KCNMA1: variants seen among roughly 807,000 people sequenced by gnomAD.
KCNMA1 encodes the protein potassium calcium-activated channel subfamily M alpha 1, also known as Calcium-activated potassium channel subunit alpha-1.
Under a neutral mutation model 140.0 loss-of-function variants are expected in KCNMA1, and 29 were observed. That is an observed-to-expected ratio of 0.21 (90% confidence interval 0.15 to 0.28). KCNMA1 has a LOEUF of 0.28. Ranked by LOEUF, KCNMA1 falls within the 10% of genes least tolerant of loss-of-function variation. The probability of loss-of-function intolerance (pLI) is 1.00; values close to 1 mark genes in which losing one functional copy is unlikely to be tolerated. For missense variants in KCNMA1, 880 were observed against 1,602.2 expected (o/e 0.55, Z 7.70); for synonymous variants, 612 against 611.9 (o/e 1.00, Z 0.00).
intron 2 of KCNMA1, among the ~76,000 whole-genome samples, chr10:77,312,599 T>C (rs629966): frequency 0.84 from 127,148 of 152,184 alleles, 53,296 homozygotes; most frequent in Middle Eastern, 0.9. Flanking sequence ...GCACTCCAGT[T>C]TGGGCAACAG....
chr10:77,259,352 C>G (rs766443707), intron 2 of KCNMA1, among the ~76,000 whole-genome samples: 1 of 152,160 alleles, frequency 6.6e-6, no homozygotes, highest in Non-Finnish European at 1.5e-5. Context: ...ATTTTACAGG[C>G]ATTAGGATCT....
chr10:77,337,928 G>C (rs935536453), intron 2 of KCNMA1, among the ~76,000 whole-genome samples: 32 of 152,264 alleles, frequency 2.1e-4, no homozygotes, highest in South Asian at 1.0e-3. Context: ...GAAGAATCTT[G>C]GGGGAAAATG....
chr10:77,383,029 T>TATATATATATATATA (rs1566450922), intron 2 of KCNMA1, among the ~76,000 whole-genome samples: 1 of 113,582 alleles, frequency 8.8e-6, no homozygotes, highest in African/African-American at 3.4e-5. Context: ...TATATATATA[T>TATATATATATATATA]TCCAAGTGGA....
chr10:77,472,817 T>C (rs2098194331), intron 1 of KCNMA1, among the ~76,000 whole-genome samples: 1 of 152,196 alleles, frequency 6.6e-6, no homozygotes, highest in South Asian at 2.1e-4. Flanking sequence ...GTTCCACCCT[T>C]CAAACAACAA....
intron 1 of KCNMA1, among the ~76,000 whole-genome samples, chr10:77,606,528 T>C (rs553364290): frequency 7.2e-4 from 110 of 152,254 alleles, no homozygotes; most frequent in African/African-American, 2.6e-3. Flanking sequence ...GAGGATCACT[T>C]GAGCTCAGGA....
chr10:77,232,784 G>A (rs2054030035), intron 3 of KCNMA1, among the ~76,000 whole-genome samples: 1 of 151,838 alleles, frequency 6.6e-6, no homozygotes, highest in Non-Finnish European at 1.5e-5. Context: ...AAGTTTAAAT[G>A]TTTTTGCTCT....
intron 25 of KCNMA1, chr10:76,903,605 TC>T (rs1401378858): frequency 2.6e-5 from 4 of 152,254 alleles, no homozygotes; most frequent in African/African-American, 9.6e-5. Flanking sequence ...GTGCCCTCTG[TC>T]TCCGTGTGAG....
At chr10:77,365,145 A>G (rs1487625802) in intron 2 of KCNMA1, among the ~76,000 whole-genome samples, 1 of 152,226 alleles carries the variant, frequency 6.6e-6, no homozygotes, top group Admixed American at 6.5e-5. Flanking sequence ...AGAAGAATCA[A>G]CTAAGGTTCC....
chr10:77,265,139 CCT>C (rs1411599013), intron 2 of KCNMA1, among the ~76,000 whole-genome samples: 1 of 151,288 alleles, frequency 6.6e-6, no homozygotes, highest in African/African-American at 2.4e-5. Context: ...GCAACTTCTG[CCT>C]CCCAGGTTCA....
chr10:77,584,023 T>G (rs1382125257), intron 1 of KCNMA1, among the ~76,000 whole-genome samples: 3 of 152,248 alleles, frequency 2.0e-5, no homozygotes, highest in Non-Finnish European at 4.4e-5. Flanking sequence ...TTAAATTCTG[T>G]GTCCTCTTTC....
chr10:77,288,014 C>G (rs1234213874), intron 2 of KCNMA1, among the ~76,000 whole-genome samples: 3 of 152,198 alleles, frequency 2.0e-5, no homozygotes, highest in African/African-American at 4.8e-5. Flanking sequence ...CGTTATCACT[C>G]CTGGTTGGCA....
intron 12 of KCNMA1, 21 bp downstream of exon 12, chr10:77,084,616 C>T: frequency 6.2e-7 from 1 of 1,602,680 alleles, no homozygotes; most frequent in Non-Finnish European, 8.6e-7. Context: ...CCAGGGCCTT[C>T]CGCAGCGCCC....
chr10:77,521,923 C>T (rs2053529614), intron 1 of KCNMA1, among the ~76,000 whole-genome samples: 1 of 152,124 alleles, frequency 6.6e-6, no homozygotes, highest in Admixed American at 6.5e-5. Context: ...TGCCTGTAAT[C>T]CCAGCACTTT....
chr10:77,117,776 T>A (rs1006287760), intron 6 of KCNMA1, among the ~76,000 whole-genome samples: 1 of 152,098 alleles, frequency 6.6e-6, no homozygotes, highest in Non-Finnish European at 1.5e-5. Context: ...GCAGGGCAAC[T>A]GAGAAACTGC....
intron 2 of KCNMA1, among the ~76,000 whole-genome samples, chr10:77,303,701 C>G (rs1324626353): frequency 6.6e-6 from 1 of 152,118 alleles, no homozygotes; most frequent in Non-Finnish European, 1.5e-5. Context: ...GACCTGCAGA[C>G]CAGCAGCATC....
intron 20 of KCNMA1, among the ~76,000 whole-genome samples, chr10:76,959,427 T>G (rs2069956897): frequency 6.6e-6 from 1 of 152,260 alleles, no homozygotes; most frequent in African/African-American, 2.4e-5. Context: ...TGCTAAGTTG[T>G]ACATTGCCTT....
chr10:77,113,047 G>C (rs1454847527), intron 6 of KCNMA1, among the ~76,000 whole-genome samples: 4 of 151,996 alleles, frequency 2.6e-5, no homozygotes, highest in Non-Finnish European at 5.9e-5. Flanking sequence ...ATCTCCAGTT[G>C]CCCCAAAATT....
chr10:77,514,651 T>TA (rs2049711296), intron 1 of KCNMA1, among the ~76,000 whole-genome samples: 1 of 152,136 alleles, frequency 6.6e-6, no homozygotes, highest in South Asian at 2.1e-4. Context: ...CATTTCACCA[T>TA]ATTAATAATC....
intron 2 of KCNMA1, among the ~76,000 whole-genome samples, chr10:77,298,335 T>C (rs1756670738): frequency 2.0e-5 from 3 of 151,470 alleles, no homozygotes. Context: ...CTCCACCTCC[T>C]GGGCTCAAGC....
Sources: gnomAD v4.1 joint callset for allele counts (sites outside exome capture counted in the v4.1 genomes callset) on GRCh38, gnomAD v4.1.1 for gene constraint, MANE v1.5 for transcripts, NCBI Gene and HGNC (gene_info 2026-07-23, HGNC 2026-07-21) for gene names.